Variants in GPHN observed in about 807,000 individuals in gnomAD.
GPHN encodes the protein gephyrin.
In GPHN, 17 loss-of-function variants were observed where a neutral mutation model predicts 95.5. The observed-to-expected ratio is 0.18, with a 90% CI of 0.12 to 0.27. The LOEUF (loss-of-function observed/expected upper bound fraction) is 0.27, where lower values mean the gene tolerates loss of function less well. Ranked by LOEUF, GPHN falls within the 10% of genes least tolerant of loss-of-function variation. GPHN has a pLI of 1.00. For synonymous variants in GPHN, 320 were observed against 322.5 expected (o/e 0.99, Z 0.08); for missense variants, 660 against 978.1 (o/e 0.67, Z 4.34).
the GPHN span, among the ~76,000 whole-genome samples, chr14:67,510,731 G>C: frequency 2.0e-4 from 30 of 152,282 alleles, no homozygotes; most frequent in African/African-American, 6.3e-4. Context: ...GGGAACAAGG[G>C]GAAGAGAGAT....
chr14:66,789,485 C>T (rs939182259), intron 3 of GPHN, among the ~76,000 whole-genome samples: 3 of 152,154 alleles, frequency 2.0e-5, no homozygotes, highest in Non-Finnish European at 2.9e-5. Flanking sequence ...AGGTTTTTCA[C>T]TTGCCAGTTT....
intron 1 of GPHN, among the ~76,000 whole-genome samples, chr14:66,517,126 C>CAAA (rs1171024713): frequency 2.3e-4 from 7 of 30,984 alleles, no homozygotes; most frequent in African/African-American, 4.0e-4. Context: ...GACTCCATCT[C>CAAA]AAAAAAAAAA....
chr14:67,100,085 T>G (rs557422494), intron 12 of GPHN, among the ~76,000 whole-genome samples: 1 of 152,328 alleles, frequency 6.6e-6, no homozygotes, highest in South Asian at 2.1e-4. Flanking sequence ...ATGGAATTTT[T>G]TTTTTCAATT....
chr14:67,575,538 A>C, the GPHN span: 1 of 994,670 alleles, frequency 1.0e-6, no homozygotes, highest in Non-Finnish European at 1.6e-6. Flanking sequence ...CTGCCACTCT[A>C]TGTCCTGATG....
the GPHN span, chr14:67,199,695 C>T: frequency 1.3e-6 from 2 of 1,584,874 alleles, no homozygotes; most frequent in Middle Eastern, 1.7e-4. Flanking sequence ...CAGCTGTTTG[C>T]AGATGCACCT....
At chr14:66,877,768 A>T (rs574742461) in intron 4 of GPHN, among the ~76,000 whole-genome samples, 1 of 152,144 alleles carries the variant, frequency 6.6e-6, no homozygotes, top group South Asian at 2.1e-4. Context: ...ATGCTCATGG[A>T]TAGGAAGAAT....
At chr14:66,533,736 C>A (rs1313613261) in intron 1 of GPHN, among the ~76,000 whole-genome samples, 2 of 152,268 alleles carry the variant, frequency 1.3e-5, no homozygotes, top group East Asian at 3.9e-4. Context: ...GGATAAATGG[C>A]AGCATGCAGT....
At chr14:67,664,928 G>A in the GPHN span, among the ~76,000 whole-genome samples, 64 of 152,010 alleles carry the variant, frequency 4.2e-4, 1 homozygote, top group African/African-American at 1.3e-3. Flanking sequence ...GTGCCGTGGC[G>A]TCATCTCAGC....
At chr14:66,565,168 G>A (rs1252642208) in intron 1 of GPHN, among the ~76,000 whole-genome samples, 1 of 152,156 alleles carries the variant, frequency 6.6e-6, no homozygotes, top group Non-Finnish European at 1.5e-5. Flanking sequence ...CTCAGATACA[G>A]GTTTGCAGGT....
intron 18 of GPHN, 148 bp downstream of exon 18, chr14:67,143,597 TA>T: frequency 2.8e-6 from 2 of 702,508 alleles, no homozygotes; most frequent in Non-Finnish European, 5.2e-6. Flanking sequence ...CTGGTCTCTT[TA>T]AAAGGGATAC....
intron 10 of GPHN, 37 bp from the exon 11 acceptor site, chr14:67,058,612 C>T (rs1324678188): frequency 6.3e-7 from 1 of 1,583,936 alleles, no homozygotes; most frequent in Non-Finnish European, 8.7e-7. Context: ...ATCAGTGTTA[C>T]AGCATCATAT....
chr14:67,061,195 C>T (rs1386914322), intron 11 of GPHN, among the ~76,000 whole-genome samples: 4 of 152,152 alleles, frequency 2.6e-5, no homozygotes, highest in Admixed American at 6.5e-5. Flanking sequence ...GCATGCACCA[C>T]TATGCCCAGC....
At chr14:67,268,373 C>T in the GPHN span, among the ~76,000 whole-genome samples, 1 of 152,298 alleles carries the variant, frequency 6.6e-6, no homozygotes, top group African/African-American at 2.4e-5. Flanking sequence ...AGAGAGGGTT[C>T]TTGGATCTTG....
At chr14:66,578,784 G>A (rs1417682952) in intron 1 of GPHN, among the ~76,000 whole-genome samples, 1 of 150,758 alleles carries the variant, frequency 6.6e-6, no homozygotes, top group African/African-American at 2.4e-5. Flanking sequence ...AATAAGAACT[G>A]AGGAAGTTCA....
the GPHN span, among the ~76,000 whole-genome samples, chr14:67,297,227 A>G: frequency 6.6e-5 from 10 of 152,246 alleles, no homozygotes; most frequent in South Asian, 2.1e-4. Flanking sequence ...TTAGTATTCA[A>G]CATTTTTTGG....
the GPHN span, among the ~76,000 whole-genome samples, chr14:67,413,359 CCCAAAGTG>C: frequency 6.6e-6 from 1 of 152,200 alleles, no homozygotes; most frequent in Non-Finnish European, 1.5e-5. Context: ...GCCTCAGCCT[CCCAAAGTG>C]CTGGGATTGT....
the GPHN span, among the ~76,000 whole-genome samples, chr14:67,219,464 T>A: frequency 6.6e-6 from 1 of 152,204 alleles, no homozygotes; most frequent in African/African-American, 2.4e-5. Flanking sequence ...ATTGCTTTGG[T>A]CCTTTCTTGT....
At chr14:67,328,014 G>A in the GPHN span, among the ~76,000 whole-genome samples, 1 of 152,110 alleles carries the variant, frequency 6.6e-6, no homozygotes, top group Admixed American at 6.5e-5. Flanking sequence ...GGGATGGCTG[G>A]GTCAAATGGT....
intron 10 of GPHN, among the ~76,000 whole-genome samples, chr14:67,053,268 AT>A (rs2075396641): frequency 6.6e-6 from 1 of 151,888 alleles, no homozygotes; most frequent in South Asian, 2.1e-4. Flanking sequence ...ACAATAAAAA[AT>A]GATAAAGGGG....
Sources: gnomAD v4.1 joint callset for allele counts (sites outside exome capture counted in the v4.1 genomes callset) on GRCh38, gnomAD v4.1.1 for gene constraint, MANE v1.5 for transcripts, NCBI Gene and HGNC (gene_info 2026-07-23, HGNC 2026-07-21) for gene names.